The following LNX1 variants were observed in gnomAD, a reference collection of about 807,000 sequenced individuals.
LNX1 encodes ligand of numb-protein X 1, also known as E3 ubiquitin-protein ligase LNX.
In LNX1, 54 loss-of-function variants were observed where a neutral mutation model predicts 68.4. The ratio of observed to expected loss-of-function variants is 0.79; its 90% CI spans 0.63 to 0.99. LNX1 has a LOEUF of 0.99. Among genes scored for constraint, LNX1 ranks in the 50% least tolerant of loss-of-function variants. LNX1 has a pLI of 0.00. For missense variants in LNX1, 906 were observed against 926.4 expected (o/e 0.98, Z 0.29); for synonymous variants, 336 against 350.0 (o/e 0.96, Z 0.45).
intron 1 of LNX1, among the ~76,000 whole-genome samples, chr4:53,635,559 G>T (rs1734439554): frequency 6.6e-6 from 1 of 151,944 alleles, no homozygotes; most frequent in Admixed American, 6.6e-5. Context: ...AAGAAAAATA[G>T]GACTAATCTG....
chr4:53,560,136 C>T (rs1033674744), intron 2 of LNX1, among the ~76,000 whole-genome samples: 1 of 152,152 alleles, frequency 6.6e-6, no homozygotes, highest in African/African-American at 2.4e-5. Flanking sequence ...CTGAAACATG[C>T]TCTTCTTGGA....
intron 9 of LNX1, among the ~76,000 whole-genome samples, chr4:53,461,872 A>ACTT (rs1393628465): frequency 1.3e-5 from 2 of 152,154 alleles, no homozygotes; most frequent in African/African-American, 4.8e-5. Flanking sequence ...CATATTTTTA[A>ACTT]CTTAAGACAA....
chr4:53,598,694 G>A (rs62325483), intron 2 of LNX1, among the ~76,000 whole-genome samples: 7,412 of 152,298 alleles, frequency 0.049, 252 homozygotes, highest in Middle Eastern at 0.11. Context: ...TCAAGGGAAG[G>A]AATGGAGGAA....
chr4:53,573,254 T>C (rs541392731), intron 2 of LNX1, among the ~76,000 whole-genome samples: 2 of 152,262 alleles, frequency 1.3e-5, no homozygotes, highest in East Asian at 3.9e-4. Flanking sequence ...GAATGGGGAA[T>C]TCGTGTTTAA....
intron 4 of LNX1, among the ~76,000 whole-genome samples, chr4:53,504,007 C>T (rs1387541783): frequency 3.3e-5 from 5 of 152,148 alleles, no homozygotes; most frequent in Admixed American, 1.3e-4. Flanking sequence ...TAGTGGTGCA[C>T]GCCTGTAATC....
Position 53,580,728 on chromosome 4 carries a change from T to C in LNX1, c.-86-6640A>G, listed in dbSNP as rs374587228. ...TAGGTGGATTTATATAAACAGAAGA[T>C]AGTCTTCAGTGGCTAAATAGTTCAG... On this transcript the variant is annotated intron_variant, in intron 1 of 10. Coordinates refer to ENST00000263925, the MANE Select transcript of LNX1 (RefSeq NM_001126328.3). Among the ~76,000 whole-genome samples the C allele has an allele frequency of 4.6e-5, 7 of 152,342 alleles. No individual in the cohort carries two copies. The East Asian group carries it at 1.2e-3, about 25-fold the overall frequency.
rs1309954935 is a variant in LNX1 at position 53,459,793 on chromosome 4, A to AATC, written c.*1111_*1113dup. On this transcript the variant is annotated 3_prime_UTR_variant, in exon 11 of 11. Coordinates refer to ENST00000263925, the MANE Select transcript of LNX1 (RefSeq NM_001126328.3). ...CCACTTGGGCCACAGTTTTTTTGTTAATCAAACACCACTCTCTTAAGAGGC... is the reference window on the plus strand; with the variant it reads ...CCACTTGGGCCACAGTTTTTTTGTTAATCATCAAACACCACTCTCTTAAGAGGC... 5 of 318,468 alleles carry AATC rather than the reference A, an allele frequency of 1.6e-5. No individual in the cohort carries two copies. The highest frequency in any genetic ancestry group is 2.9e-5 in the Non-Finnish European group (5 of 170,510). 19.7% of individuals were successfully genotyped at this position (318,468 alleles called of 1,614,324 possible). A position where few individuals can be genotyped will look rare whatever the true frequency, so the allele number is the denominator to read the frequency against.
At chr4:53,614,904 C>T (rs940256076) in intron 2 of LNX1, among the ~76,000 whole-genome samples, 2 of 152,076 alleles carry the variant, frequency 1.3e-5, no homozygotes, top group African/African-American at 4.8e-5. Flanking sequence ...AATCTGGCTC[C>T]CTTTTATTTT....
chr4:53,580,690 T>A (rs1479848451), intron 1 of LNX1, among the ~76,000 whole-genome samples: 1 of 152,132 alleles, frequency 6.6e-6, no homozygotes, highest in African/African-American at 2.4e-5. Flanking sequence ...AATGCAAAAA[T>A]ATGTAGTGGC....
chr4:53,575,718 C>T, intron 1 of LNX1: 1 of 1,431,160 alleles, frequency 7.0e-7, no homozygotes, highest in Non-Finnish European at 9.2e-7. Context: ...GCAGCAGTGT[C>T]TGCTGTGGGG....
At chr4:53,641,910 T>C (rs1402014636) in intron 1 of LNX1, among the ~76,000 whole-genome samples, 1 of 152,174 alleles carries the variant, frequency 6.6e-6, no homozygotes, top group Non-Finnish European at 1.5e-5. Context: ...GCACAGTCTG[T>C]TTATTCATTC....
At chr4:53,510,108 A>G (rs1021696568) in intron 2 of LNX1, among the ~76,000 whole-genome samples, 8 of 152,242 alleles carry the variant, frequency 5.3e-5, no homozygotes, top group African/African-American at 1.9e-4. Context: ...CAAGGGAATT[A>G]AAAGTGGTGT....
In LNX1 at chr4:53,481,827, C is replaced by G. The variant is rs145875378; in HGVS notation, c.1378G>C (p.Val460Leu). ...CTCCGCTGCCGAACCTGGCGGGACA[C>G]GACGAGGTGAACACGTCTTTCACTG... ...QASERRVHLVVSRQVRQRSPD... is the reference protein window; with the variant it reads ...QASERRVHLVLSRQVRQRSPD... Residue 460 changes from valine (V) to leucine (L), a missense_variant, in exon 7 of 11, where the codon GTG becomes CTG. Transcript: ENST00000263925. 3 of 1,610,268 alleles carry G rather than the reference C, an allele frequency of 1.9e-6. No individual in the cohort carries two copies. Among genetic ancestry groups the G allele is most frequent in the Non-Finnish European group, 2.5e-6 (3 of 1,177,908 alleles).
intron 2 of LNX1, among the ~76,000 whole-genome samples, chr4:53,519,547 T>C (rs1270566511): frequency 6.6e-6 from 1 of 151,470 alleles, no homozygotes; most frequent in Non-Finnish European, 1.5e-5. Flanking sequence ...AAAATGAGGC[T>C]CAAAGAGGTT....
At chr4:53,636,410 A>T (rs1425575705) in intron 1 of LNX1, among the ~76,000 whole-genome samples, 3 of 152,122 alleles carry the variant, frequency 2.0e-5, no homozygotes, top group East Asian at 3.9e-4. Context: ...TGGCAGAGGA[A>T]CTGTGAGGCA....
intron 1 of LNX1, among the ~76,000 whole-genome samples, chr4:53,583,246 A>G (rs1338870715): frequency 6.6e-6 from 1 of 152,138 alleles, no homozygotes; most frequent in African/African-American, 2.4e-5. Context: ...CTCTCATGTA[A>G]TAGGGAAGAA....
At chr4:53,547,946 T>G (rs1729221797) in intron 2 of LNX1, among the ~76,000 whole-genome samples, 1 of 152,040 alleles carries the variant, frequency 6.6e-6, no homozygotes, top group Non-Finnish European at 1.5e-5. Context: ...AATTCACAAT[T>G]TTACCTTCCT....
chr4:53,479,332 T>C (rs1723768989), intron 7 of LNX1, among the ~76,000 whole-genome samples: 1 of 152,226 alleles, frequency 6.6e-6, no homozygotes, highest in South Asian at 2.1e-4. Flanking sequence ...TAAAAAAAAG[T>C]AACCATATTT....
intron 2 of LNX1, among the ~76,000 whole-genome samples, chr4:53,608,301 A>G (rs1733313052): frequency 6.6e-6 from 1 of 152,236 alleles, no homozygotes; most frequent in Non-Finnish European, 1.5e-5. Flanking sequence ...AAAGTAGGCA[A>G]AATAAATGAA....
Sources: allele counts gnomAD v4.1 joint callset (sites outside exome capture counted in the v4.1 genomes callset), GRCh38; gene constraint gnomAD v4.1.1; transcripts MANE v1.5; gene names NCBI Gene and HGNC (gene_info 2026-07-23, HGNC 2026-07-21).